NPAS3: variants seen among roughly 807,000 people sequenced by gnomAD.
NPAS3 encodes the protein neuronal PAS domain-containing protein 3.
In NPAS3, 14 loss-of-function variants were observed where a neutral mutation model predicts 73.1. The ratio of observed to expected loss-of-function variants is 0.19; its 90% confidence interval spans 0.13 to 0.30. NPAS3 has a LOEUF of 0.30. NPAS3 is among the 10% of genes least tolerant of loss of function. The pLI is 1.00. For missense variants in NPAS3, 1,096 were observed against 1,250.0 expected (o/e 0.88, Z 1.86); for synonymous variants, 620 against 541.5 (o/e 1.14, Z -2.01).
chr14:33,274,530 A>G (rs889522124), intron 3 of NPAS3, among the ~76,000 whole-genome samples: 7 of 152,074 alleles, frequency 4.6e-5, no homozygotes, highest in African/African-American at 1.4e-4. Context: ...CGCTGTTTCC[A>G]TAGACCCTGC....
chr14:33,265,630 T>C (rs1439102599), intron 3 of NPAS3, among the ~76,000 whole-genome samples: 1 of 152,206 alleles, frequency 6.6e-6, no homozygotes, highest in African/African-American at 2.4e-5. Flanking sequence ...AAGTACTATT[T>C]TTCTATACTT....
chr14:33,314,006 A>C (rs2043109227), intron 3 of NPAS3, among the ~76,000 whole-genome samples: 2 of 151,810 alleles, frequency 1.3e-5, no homozygotes, highest in African/African-American at 4.8e-5. Context: ...CTTCCTGTTG[A>C]TTTATGTTAT....
At chr14:33,203,329 A>G (rs2139601979) in intron 2 of NPAS3, among the ~76,000 whole-genome samples, 1 of 152,070 alleles carries the variant, frequency 6.6e-6, no homozygotes, top group Non-Finnish European at 1.5e-5. Flanking sequence ...TATTTTATTT[A>G]TGTATTTTTG....
intron 4 of NPAS3, among the ~76,000 whole-genome samples, chr14:33,415,413 T>C (rs2138958139): frequency 6.6e-6 from 1 of 152,300 alleles, no homozygotes; most frequent in South Asian, 2.1e-4. Context: ...CTTCTATCCA[T>C]ATCTTATACT....
chr14:33,612,045 C>T (rs1414418152), intron 5 of NPAS3, among the ~76,000 whole-genome samples: 1 of 152,148 alleles, frequency 6.6e-6, no homozygotes, highest in Non-Finnish European at 1.5e-5. Flanking sequence ...GGCAGGGCTA[C>T]TGGGATCTGC....
At chr14:32,973,982 C>G (rs551856138) in intron 1 of NPAS3, among the ~76,000 whole-genome samples, 1 of 152,096 alleles carries the variant, frequency 6.6e-6, no homozygotes, top group Admixed American at 6.5e-5. Context: ...TTTCTAGAAA[C>G]GATTTGAAGT....
intron 7 of NPAS3, among the ~76,000 whole-genome samples, chr14:33,769,731 C>T (rs1447832826): frequency 1.4e-5 from 2 of 146,166 alleles, no homozygotes; most frequent in African/African-American, 5.0e-5. Context: ...TCCAACCAGC[C>T]CTGAAAGACT....
chr14:33,406,835 G>T (rs929330033), intron 4 of NPAS3, among the ~76,000 whole-genome samples: 1 of 152,054 alleles, frequency 6.6e-6, no homozygotes, highest in Non-Finnish European at 1.5e-5. Flanking sequence ...TACCTTCAGA[G>T]ATTGTGCTTG....
chr14:32,965,818 G>A (rs75854266), intron 1 of NPAS3, among the ~76,000 whole-genome samples: 2,211 of 152,112 alleles, frequency 0.015, 18 homozygotes, highest in Middle Eastern at 0.041. Context: ...CTCTACAGAC[G>A]CCATTTAAAA....
At chr14:33,052,726 G>A (rs1338420636) in intron 1 of NPAS3, among the ~76,000 whole-genome samples, 2 of 152,068 alleles carry the variant, frequency 1.3e-5, no homozygotes, top group African/African-American at 4.8e-5. Flanking sequence ...TTGCTACTAC[G>A]GTGGCAATAC....
At chr14:33,230,532 T>TA (rs2047810004) in intron 3 of NPAS3, among the ~76,000 whole-genome samples, 1 of 152,154 alleles carries the variant, frequency 6.6e-6, no homozygotes, top group South Asian at 2.1e-4. Context: ...ACCTAATATT[T>TA]ACATAAAAGA....
At chr14:33,653,279 A>G (rs947033738) in intron 5 of NPAS3, among the ~76,000 whole-genome samples, 1 of 152,242 alleles carries the variant, frequency 6.6e-6, no homozygotes, top group Non-Finnish European at 1.5e-5. Context: ...GGTTGTCAGC[A>G]TGGTGCGTCT....
At chr14:33,370,191 G>A (rs1410988251) in intron 4 of NPAS3, among the ~76,000 whole-genome samples, 2 of 152,108 alleles carry the variant, frequency 1.3e-5, no homozygotes, top group Admixed American at 6.6e-5. Flanking sequence ...GTCATTCAGG[G>A]AAAGAGGAAC....
intron 1 of NPAS3, among the ~76,000 whole-genome samples, chr14:32,998,286 T>G (rs1484612626): frequency 6.6e-6 from 1 of 152,218 alleles, no homozygotes; most frequent in African/African-American, 2.4e-5. Context: ...AAAGGTCACA[T>G]ATGCTATGAT....
chr14:33,515,230 T>C (rs2053241990), intron 4 of NPAS3, among the ~76,000 whole-genome samples: 2 of 152,114 alleles, frequency 1.3e-5, no homozygotes, highest in South Asian at 4.1e-4. Flanking sequence ...TTCCCAGCAT[T>C]CCAGTTACAA....
At chr14:33,797,499 C>T (rs1290665533) in exon 11 of NPAS3, 4 of 1,614,144 alleles carry the variant, frequency 2.5e-6, no homozygotes, top group Non-Finnish European at 3.4e-6. Flanking sequence ...TCGCACAGCT[C>T]CCCCATCTGC....
intron 4 of NPAS3, among the ~76,000 whole-genome samples, chr14:33,500,852 C>T (rs1409162055): frequency 6.6e-6 from 1 of 151,892 alleles, no homozygotes; most frequent in African/African-American, 2.4e-5. Flanking sequence ...AGAGAAAAGC[C>T]AGCAGTCCGT....
intron 2 of NPAS3, among the ~76,000 whole-genome samples, chr14:33,119,402 A>C (rs969417305): frequency 6.6e-6 from 1 of 151,934 alleles, no homozygotes; most frequent in African/African-American, 2.4e-5. Flanking sequence ...CACTATTTTT[A>C]GTGGAGGAGG....
intron 1 of NPAS3, among the ~76,000 whole-genome samples, chr14:32,990,816 A>C (rs2038300664): frequency 6.6e-6 from 1 of 151,742 alleles, no homozygotes; most frequent in South Asian, 2.1e-4. Flanking sequence ...AGTCCCAGCT[A>C]CTTGGGAGGC....
Sources: allele counts gnomAD v4.1 joint callset (sites outside exome capture counted in the v4.1 genomes callset), GRCh38; gene constraint gnomAD v4.1.1; transcripts MANE v1.5; gene names NCBI Gene and HGNC (gene_info 2026-07-23, HGNC 2026-07-21).